Variants in SLC16A14 observed in about 807,000 individuals in gnomAD.
The protein encoded by SLC16A14 is solute carrier family 16 member 14, also known as monocarboxylate transporter 14.
In SLC16A14, 14 loss-of-function variants were observed where a neutral mutation model predicts 35.8. The observed-to-expected ratio is 0.39, with a 90% CI of 0.26 to 0.61. The LOEUF (loss-of-function observed/expected upper bound fraction) is 0.61, where lower values mean the gene tolerates loss of function less well. Ranked by LOEUF, SLC16A14 falls within the 20% of genes least tolerant of loss-of-function variation. SLC16A14 has a pLI of 0.51. For missense variants in SLC16A14, 533 were observed against 655.0 expected (o/e 0.81, Z 2.03); for synonymous variants, 248 against 258.9 (o/e 0.96, Z 0.40).
At chr2:230,049,982 C>G (rs977607228) in intron 2 of SLC16A14, 78 bp from the exon 3 acceptor site, 4 of 1,532,010 alleles carry the variant, frequency 2.6e-6, no homozygotes, top group Non-Finnish European at 3.6e-6. Flanking sequence ...CATGTGAAGA[C>G]AAAGAATAAA....
chr2:230,067,569 TCTCA>T (rs1473605623), intron 1 of SLC16A14, among the ~76,000 whole-genome samples: 31 of 121,342 alleles, frequency 2.6e-4, no homozygotes, highest in African/African-American at 8.3e-4. Context: ...TCTCTCTCTC[TCTCA>T]CACACACACA....
intron 4 of SLC16A14, among the ~76,000 whole-genome samples, chr2:230,045,341 C>T (rs2077595328): frequency 6.6e-6 from 1 of 152,140 alleles, no homozygotes; most frequent in Admixed American, 6.5e-5. Context: ...GTGGATCACT[C>T]GAGGTCAGAA....
In SLC16A14 at chr2:230,059,293, C is replaced by A. The variant is rs2077732568; in HGVS notation, c.60G>T (p.Lys20Asn). The part of the protein sequence containing the change: ...YDFEDGPKDK[K>N]TLKPHPNIDG... ...CAATGTTTGGGTGGGGCTTCAGTGT[C>A]TTTTTGTCTTTGGGGCCATCTTCAA... The change falls in exon 2 of 5, where the codon AAG becomes AAT. Residue 20 changes from lysine to asparagine, a missense_variant. Physicochemically the swap from Lys to Asn is moderately conservative, Grantham distance 94. Transcript: ENST00000295190. The A allele has an allele frequency of 2.5e-6, 4 of 1,612,944 alleles. No homozygotes were observed. The highest frequency in any genetic ancestry group is 3.4e-6 in the Non-Finnish European group (4 of 1,179,134).
rs2077525681 is a variant in SLC16A14, at chr2:230,037,241, T to C, written c.*139A>G. 1.5e-6 allele frequency: 1 copy of C among 679,018 alleles called. No individual in the cohort carries two copies. 42.1% of individuals were successfully genotyped at this position (679,018 alleles called of 1,614,324 possible). A position where few individuals can be genotyped will look rare whatever the true frequency, so the allele number is the denominator to read the frequency against. On this transcript the variant is annotated 3_prime_UTR_variant, in exon 5 of 5. Transcript: ENST00000295190. ...AGGCAGTGCTGCTTACAAATGAGGC[T>C]GTGACAATGGCATTTACAAATGACA...
rs1387877096 is a variant in SLC16A14, at chr2:230,046,125, A to T, written c.1001T>A (p.Phe334Tyr). The T allele has an allele frequency of 1.2e-6, 2 of 1,613,866 alleles. No individual in the cohort carries two copies. The highest frequency in any genetic ancestry group is 1.7e-6 in the Non-Finnish European group (2 of 1,179,840). ...ATTGACGATTTCTGGGAGGTGAATG[A>T]AGGGGATGACAAAGCTGCTGTATGC... The part of the protein sequence containing the change: ...LFAYSSFVIP[F>Y]IHLPEIVNLY... The change falls in exon 4 of 5, where the codon TTC becomes TAC. Residue 334 changes from phenylalanine (F) to tyrosine (Y), a missense_variant. Transcript: ENST00000295190. This position sits in a 1 kb window ranked among gnomAD's most constrained non-coding sequence, Gnocchi z 5.0.
chr2:230,060,685 T>C (rs1200136222), intron 1 of SLC16A14, among the ~76,000 whole-genome samples: 1 of 149,274 alleles, frequency 6.7e-6, no homozygotes, highest in Non-Finnish European at 1.5e-5. Flanking sequence ...ATGGTTTTTT[T>C]TGGGGGGAGG....
chr2:230,046,207 T>A lies in SLC16A14; in HGVS notation c.919A>T (p.Thr307Ser). ...ATTCGATTTGTAAATAGAGAGGCTG[T>A]CCCAAAGTAGCCCGAATACCAGTCC... is the stretch of plus-strand genomic sequence containing the variant. ...FEDWYSGYFG[T>S]ASLFTNRMFV... is the part of the protein sequence containing the mutation. Residue 307 changes from threonine (T) to serine (S), a missense_variant, in exon 4 of 5, where the codon ACA becomes TCA. By Grantham distance (58) the Thr-to-Ser change is moderately conservative (BLOSUM62 1). Transcript: ENST00000295190. This position sits in a 1 kb window ranked among gnomAD's most constrained non-coding sequence, Gnocchi z 5.0. 5 of 1,614,208 alleles carry A rather than the reference T, an allele frequency of 3.1e-6. No individual in the cohort carries two copies. The highest frequency in any genetic ancestry group is 4.2e-6 in the Non-Finnish European group (5 of 1,180,024).
At chr2:230,042,147 C>T (rs983509657) in intron 4 of SLC16A14, among the ~76,000 whole-genome samples, 10 of 152,158 alleles carry the variant, frequency 6.6e-5, no homozygotes, top group South Asian at 4.1e-4. Flanking sequence ...GCATATGATA[C>T]GCATCATTGA....
At position 230,049,825 on chromosome 2, in the gene SLC16A14, G is replaced by A. The variant is rs368562835; in HGVS notation, c.339C>T (p.Gly113=). 1.2e-6 allele frequency: 2 copies of A among 1,614,178 alleles called. No homozygotes were observed. Among genetic ancestry groups the A allele is most frequent in the East Asian group, 2.2e-5 (1 of 44,894 alleles). ...AIIGGLVNSL[G]WVLSAYAANV... is the part of the protein sequence containing the mutation. ...TTGCAGCATAGGCACTCAACACCCA[G>A]CCCAGGGAGTTGACGAGCCCTCCAA... The change falls in exon 3 of 5, where the codon GGC becomes GGT. Residue 113 remains glycine, a synonymous_variant. Transcript: ENST00000295190.
chr2:230,036,836 AT>A lies in SLC16A14; in HGVS notation c.*543del, dbSNP rs2077522846. ...TAAAAATACAAGCCGTGTTTCTTTA[AT>A]TGCACTAAATTGTATTACCTGTGGA... On this transcript the variant is annotated 3_prime_UTR_variant, in exon 5 of 5. Coordinates refer to ENST00000295190, the MANE Select transcript of SLC16A14 (RefSeq NM_152527.5). 6.6e-6 allele frequency: 1 copy of A among 152,208 alleles called. No individual in the cohort carries two copies. Among genetic ancestry groups the A allele is most frequent in the African/African-American group, 2.4e-5 (1 of 41,448 alleles). The allele number at this position is 152,208 out of a possible 1,614,324, so 9.4% of individuals were successfully genotyped here.
At chr2:230,049,192 G>A (rs1012028591) in intron 3 of SLC16A14, among the ~76,000 whole-genome samples, 3 of 150,730 alleles carry the variant, frequency 2.0e-5, no homozygotes, top group Non-Finnish European at 4.4e-5. Flanking sequence ...ATCTTAGCCT[G>A]CTGAGGAGCT....
intron 3 of SLC16A14, among the ~76,000 whole-genome samples, chr2:230,047,598 C>T (rs570109477): frequency 6.6e-6 from 1 of 152,294 alleles, no homozygotes; most frequent in South Asian, 2.1e-4. Flanking sequence ...AGCCACTGCT[C>T]CTGGCCAACA....
At chr2:230,048,001 A>C (rs1369731413) in intron 3 of SLC16A14, among the ~76,000 whole-genome samples, 2 of 152,220 alleles carry the variant, frequency 1.3e-5, no homozygotes, top group African/African-American at 4.8e-5. Context: ...GATATATATT[A>C]CAAGAAGCAA....
At chr2:230,048,466 G>A (rs570045508) in intron 3 of SLC16A14, among the ~76,000 whole-genome samples, 13 of 152,200 alleles carry the variant, frequency 8.5e-5, no homozygotes, top group Non-Finnish European at 1.9e-4. Flanking sequence ...ATTGTGGCTG[G>A]GAATATATTT....
At chr2:230,057,471 T>A (rs35219433) in intron 2 of SLC16A14, among the ~76,000 whole-genome samples, 32,838 of 151,924 alleles carry the variant, frequency 0.22, 4,201 homozygotes, top group South Asian at 0.36. Context: ...AACAATTTTT[T>A]AAAAAAAGAA....
At chr2:230,049,982 CA>C in intron 2 of SLC16A14, 78 bp from the exon 3 acceptor site, 1 of 1,532,012 alleles carries the variant, frequency 6.5e-7, no homozygotes, top group Non-Finnish European at 8.9e-7. Context: ...CATGTGAAGA[CA>C]AAGAATAAAA....
chr2:230,049,858 A>G lies in SLC16A14; in HGVS notation c.306T>C (p.Thr102=). The change falls in exon 3 of 5, where the codon ACT becomes ACC. Residue 102 remains threonine (T), a synonymous_variant. Coordinates refer to ENST00000295190, the MANE Select transcript of SLC16A14 (RefSeq NM_152527.5). ...LFINTCGCRQ[T]AIIGGLVNSL... is the part of the protein sequence containing the mutation. ...AGTTGACGAGCCCTCCAATGATCGC[A>G]GTCTGGCGGCACCCACAGGTGTTAA... 2 of 1,614,196 alleles carry G rather than the reference A, an allele frequency of 1.2e-6. No individual in the cohort carries two copies. Among genetic ancestry groups the G allele is most frequent in the Non-Finnish European group, 1.7e-6 (2 of 1,180,020 alleles).
At chr2:230,044,673 C>T (rs2077586911) in intron 4 of SLC16A14, among the ~76,000 whole-genome samples, 1 of 151,036 alleles carries the variant, frequency 6.6e-6, no homozygotes, top group South Asian at 2.1e-4. Flanking sequence ...GCTCTGCTGA[C>T]CTCCAGAACA....
chr2:230,049,124 C>A (rs1248775125), intron 3 of SLC16A14, among the ~76,000 whole-genome samples: 1 of 150,238 alleles, frequency 6.7e-6, no homozygotes, highest in Admixed American at 6.6e-5. Flanking sequence ...GACTGGAGTG[C>A]AGTGGTGCAA....
Sources: allele counts gnomAD v4.1 joint callset (sites outside exome capture counted in the v4.1 genomes callset), GRCh38; gene constraint gnomAD v4.1.1; non-coding constraint Gnocchi (gnomAD v3.1); transcripts MANE v1.5; gene names NCBI Gene and HGNC (gene_info 2026-07-23, HGNC 2026-07-21).